ESRRG: variants seen among roughly 807,000 people sequenced by gnomAD.
ESRRG encodes estrogen-related receptor gamma.
In ESRRG, 13 loss-of-function variants were observed where a neutral mutation model predicts 44.0. The observed-to-expected ratio is 0.30, with a 90% CI of 0.19 to 0.47. The LOEUF (loss-of-function observed/expected upper bound fraction) is 0.47, where lower values mean the gene tolerates loss of function less well. ESRRG is among the 20% of genes least tolerant of loss of function. The pLI is 1.00. For missense variants in ESRRG, 395 were observed against 580.6 expected, an observed-to-expected ratio of 0.68 and a Z score of 3.29; for synonymous variants, 215 against 214.6, an observed-to-expected ratio of 1.00 and a Z score of -0.02.
At position 216,677,107 on chromosome 1, in the gene ESRRG, G is replaced by A. The variant is rs1559163688; in HGVS notation, c.441C>T (p.Ala147=). The A allele has an allele frequency of 1.2e-6, 2 of 1,614,150 alleles. No individual in the cohort carries two copies. Among genetic ancestry groups the A allele is most frequent in the East Asian group, 2.2e-5 (1 of 44,878 alleles). ...TTGTCCTCTTGAAGAATGCCTTGCA[G>A]GCTTCACATGATGCTACCCCATAGT... ...GYHYGVASCE[A]CKAFFKRTIQ... Residue 147 remains alanine (A), a synonymous_variant, in exon 2 of 7, where the codon GCC becomes GCT. Transcript: ENST00000408911.
intron 3 of ESRRG, among the ~76,000 whole-genome samples, chr1:216,634,931 T>C (rs2064992992): frequency 6.6e-6 from 1 of 152,232 alleles, no homozygotes; most frequent in South Asian, 2.1e-4. Flanking sequence ...ATCTGCACTA[T>C]GGAAGCCTAT....
intron 1 of ESRRG, among the ~76,000 whole-genome samples, chr1:217,016,331 T>C (rs2079381445): frequency 6.6e-6 from 1 of 152,142 alleles, no homozygotes; most frequent in African/African-American, 2.4e-5. Flanking sequence ...TGGAGTCAGA[T>C]GAGCTAGAAT....
intron 1 of ESRRG, among the ~76,000 whole-genome samples, chr1:217,085,011 A>C (rs2091991466): frequency 6.6e-6 from 1 of 152,184 alleles, no homozygotes; most frequent in East Asian, 1.9e-4. Context: ...TATATGGTAT[A>C]CATGTCCAAG....
chr1:216,826,873 T>G (rs947460249), intron 2 of ESRRG, among the ~76,000 whole-genome samples: 4 of 152,192 alleles, frequency 2.6e-5, no homozygotes, highest in Non-Finnish European at 5.9e-5. Context: ...CTTGGTAAGC[T>G]CTGCAATAAT....
intron 1 of ESRRG, among the ~76,000 whole-genome samples, chr1:216,698,997 ATCTT>A (rs1428149903): frequency 5.3e-5 from 8 of 152,294 alleles, no homozygotes; most frequent in African/African-American, 1.9e-4. Context: ...TCATTCATCT[ATCTT>A]TCTATCCCTG....
intron 1 of ESRRG, among the ~76,000 whole-genome samples, chr1:217,011,453 G>A (rs898103838): frequency 6.6e-5 from 10 of 152,342 alleles, no homozygotes; most frequent in African/African-American, 2.4e-4. Context: ...ACTGGCTCTG[G>A]AGGGAACAGA....
At chr1:216,727,756 T>G (rs2087842120), upstream of ESRRG, among the ~76,000 whole-genome samples, 1 of 152,146 alleles carries the variant, frequency 6.6e-6, no homozygotes, top group Non-Finnish European at 1.5e-5. Flanking sequence ...ACCCTTCCTT[T>G]TGACAAACCT....
intron 1 of ESRRG, among the ~76,000 whole-genome samples, chr1:217,115,169 C>T (rs551599308): frequency 6.6e-6 from 1 of 152,294 alleles, no homozygotes; most frequent in African/African-American, 2.4e-5. Context: ...TAAAATTCTC[C>T]ACCTGGGGAA....
Position 217,114,662 on chromosome 1 carries a change from G to C in ESRRG, c.-230+23005C>G, listed in dbSNP as rs573594695. ...GTCATTTGTGCATGGAGGTCCAAAA[G>C]ATTTCTTTTTTTTTTTTTTTTTTTT... On this transcript the variant is annotated intron_variant, in intron 1 of 8. Transcript: ENST00000366940. Among the ~76,000 whole-genome samples the C allele has an allele frequency of 8.8e-5, 12 of 136,838 alleles. No homozygotes were observed. In the East Asian group the frequency reaches 2.6e-3, roughly 29 times the overall value. The allele number at this position is 136,838 out of a possible 152,430, so 89.8% of individuals were successfully genotyped here. A position where few individuals can be genotyped will look rare whatever the true frequency, so the allele number is the denominator to read the frequency against.
chr1:216,969,500 T>A (rs562277057), intron 1 of ESRRG, among the ~76,000 whole-genome samples: 1 of 152,310 alleles, frequency 6.6e-6, no homozygotes, highest in Non-Finnish European at 1.5e-5. Flanking sequence ...ATTATAAGTT[T>A]ACCTTCAGTA....
chr1:216,714,336 T>G (rs557268831), intron 1 of ESRRG, among the ~76,000 whole-genome samples: 25 of 152,196 alleles, frequency 1.6e-4, no homozygotes, highest in Non-Finnish European at 2.9e-4. Context: ...ATAAAACAGA[T>G]GAATAGAAAC....
At chr1:216,704,621 A>T (rs1006372233) in intron 1 of ESRRG, among the ~76,000 whole-genome samples, 5 of 151,866 alleles carry the variant, frequency 3.3e-5, no homozygotes, top group African/African-American at 7.3e-5. Context: ...AGGAAATATT[A>T]AAAAAAAATT....
intron 1 of ESRRG, among the ~76,000 whole-genome samples, chr1:217,038,407 C>T (rs2083291173): frequency 6.6e-6 from 1 of 152,230 alleles, no homozygotes. Context: ...TCTTGAATTC[C>T]ATGATCACTC....
chr1:217,129,447 C>A (rs1400906048), intron 1 of ESRRG, among the ~76,000 whole-genome samples: 3 of 152,058 alleles, frequency 2.0e-5, no homozygotes, highest in Non-Finnish European at 4.4e-5. Context: ...CAAAGTTGGA[C>A]CCAAGAGAGC....
At chr1:216,877,845 C>T (rs934153861) in intron 2 of ESRRG, among the ~76,000 whole-genome samples, 1 of 152,176 alleles carries the variant, frequency 6.6e-6, no homozygotes, top group African/African-American at 2.4e-5. Context: ...CACACCTAGA[C>T]CACTACTTCT....
At chr1:216,828,769 G>A (rs1361730614) in intron 2 of ESRRG, among the ~76,000 whole-genome samples, 1 of 151,674 alleles carries the variant, frequency 6.6e-6, no homozygotes, top group African/African-American at 2.4e-5. Context: ...CAATAACTTT[G>A]TTGCTGTGTT....
intron 3 of ESRRG, among the ~76,000 whole-genome samples, chr1:216,641,508 G>A (rs949355239): frequency 6.6e-6 from 1 of 152,226 alleles, no homozygotes; most frequent in Non-Finnish European, 1.5e-5. Context: ...AACTGAGGCA[G>A]ATGGTGCACA....
intron 2 of ESRRG, among the ~76,000 whole-genome samples, chr1:216,676,604 T>A (rs373343139): frequency 2.0e-5 from 3 of 152,192 alleles, no homozygotes; most frequent in East Asian, 3.9e-4. Context: ...ATCTAATGAA[T>A]CAGAAATTCT....
chr1:216,553,644 A>G (rs2056909951), intron 5 of ESRRG, among the ~76,000 whole-genome samples: 1 of 152,150 alleles, frequency 6.6e-6, no homozygotes, highest in Non-Finnish European at 1.5e-5. Context: ...GATGGGGTTT[A>G]TTCATTATAT....
Sources: allele counts gnomAD v4.1 joint callset (sites outside exome capture counted in the v4.1 genomes callset), GRCh38; gene constraint gnomAD v4.1.1; transcripts MANE v1.5; gene names NCBI Gene and HGNC (gene_info 2026-07-23, HGNC 2026-07-21).